TTC28: variants seen among roughly 807,000 people sequenced by gnomAD.
TTC28 encodes tetratricopeptide repeat protein 28.
A neutral mutation model predicts 198.0 loss-of-function variants in TTC28; 61 were observed. The observed-to-expected ratio is 0.31, with a 90% CI of 0.25 to 0.38. The LOEUF (loss-of-function observed/expected upper bound fraction) is 0.38, where lower values mean the gene tolerates loss of function less well. TTC28 is among the 10% of genes least tolerant of loss of function. The pLI, the probability that TTC28 is intolerant of heterozygous loss-of-function variation, is 1.00. For missense variants in TTC28, 2,678 were observed against 3,164.0 expected, an observed-to-expected ratio of 0.85 and a Z score of 3.69; for synonymous variants, 1,171 against 1,297.8, an observed-to-expected ratio of 0.90 and a Z score of 2.10.
At chr22:28,571,872 C>T (rs950700897) in intron 2 of TTC28, among the ~76,000 whole-genome samples, 3 of 150,254 alleles carry the variant, frequency 2.0e-5, no homozygotes, top group Admixed American at 6.7e-5. Flanking sequence ...AGCTTGAACC[C>T]GGGAGGCAGA....
chr22:28,517,582 C>A (rs1031118843), intron 2 of TTC28, among the ~76,000 whole-genome samples: 7 of 152,164 alleles, frequency 4.6e-5, no homozygotes, highest in Non-Finnish European at 8.8e-5. Flanking sequence ...CAGCGAACTT[C>A]CAATTAATTC....
intron 13 of TTC28, among the ~76,000 whole-genome samples, chr22:28,026,367 A>C (rs565540069): frequency 1.3e-5 from 2 of 152,120 alleles, no homozygotes; most frequent in Admixed American, 1.3e-4. Context: ...TGCTGGGCCC[A>C]TGTGACCCAC....
chr22:28,656,908 T>TA (rs1569086787), intron 1 of TTC28, among the ~76,000 whole-genome samples: 1 of 151,566 alleles, frequency 6.6e-6, no homozygotes, highest in East Asian at 1.9e-4. Flanking sequence ...AAGTATAATT[T>TA]AAAAAAATAC....
rs531326362 is a variant in TTC28 at position 28,211,117 on chromosome 22, G to C, written c.934-47518C>G. On this transcript the variant is annotated intron_variant, in intron 5 of 22. Transcript: ENST00000397906. ...TGTCACCACCAGGCCTGCCCTAAAAGAGCTCCTGAAGGAAGCACTAAACAT... is the reference window on the plus strand; with the variant it reads ...TGTCACCACCAGGCCTGCCCTAAAACAGCTCCTGAAGGAAGCACTAAACAT... Among the ~76,000 whole-genome samples the C allele has an allele frequency of 6.0e-4, 91 of 152,130 alleles. No homozygotes were observed. In the Middle Eastern group the frequency reaches 0.014, roughly 23 times the overall value.
At chr22:27,996,778 G>A (rs1937560933) in intron 16 of TTC28, among the ~76,000 whole-genome samples, 1 of 152,184 alleles carries the variant, frequency 6.6e-6, no homozygotes, top group Non-Finnish European at 1.5e-5. Flanking sequence ...AGGGCCTGGG[G>A]GAGCAGGTTC....
intron 12 of TTC28, among the ~76,000 whole-genome samples, chr22:28,062,536 C>T (rs1209630641): frequency 1.3e-5 from 2 of 150,020 alleles, no homozygotes; most frequent in Non-Finnish European, 1.5e-5. Flanking sequence ...GTGATGCCAT[C>T]GTAGCTCACT....
At chr22:28,111,805 G>A (rs1942488728) in intron 6 of TTC28, among the ~76,000 whole-genome samples, 1 of 152,086 alleles carries the variant, frequency 6.6e-6, no homozygotes, top group South Asian at 2.1e-4. Flanking sequence ...GCTAAGATGG[G>A]GGTAAGAGGA....
At chr22:28,162,941 C>G in intron 6 of TTC28, 151 bp downstream of exon 6, 1 of 1,142,490 alleles carries the variant, frequency 8.8e-7, no homozygotes, top group Non-Finnish European at 1.2e-6. Flanking sequence ...AAGACCCTGT[C>G]TCAAAAAGAA....
At chr22:28,523,744 G>A (rs1464207769) in intron 2 of TTC28, among the ~76,000 whole-genome samples, 1 of 152,086 alleles carries the variant, frequency 6.6e-6, no homozygotes, top group African/African-American at 2.4e-5. Context: ...CCTGACTCCA[G>A]AATCTAAATA....
At chr22:28,436,145 C>T (rs567973025) in intron 2 of TTC28, among the ~76,000 whole-genome samples, 1 of 152,138 alleles carries the variant, frequency 6.6e-6, no homozygotes, top group African/African-American at 2.4e-5. Context: ...GAATAAGTCA[C>T]CCTCACTTAT....
At chr22:28,404,056 A>G (rs538695684) in intron 2 of TTC28, among the ~76,000 whole-genome samples, 1 of 152,318 alleles carries the variant, frequency 6.6e-6, no homozygotes, top group South Asian at 2.1e-4. Context: ...ACACATAGCT[A>G]CTAACAAAAA....
intron 2 of TTC28, among the ~76,000 whole-genome samples, chr22:28,552,106 C>A (rs1280549523): frequency 6.6e-6 from 1 of 152,068 alleles, no homozygotes; most frequent in Non-Finnish European, 1.5e-5. Flanking sequence ...AGAATCAAAT[C>A]AAAAACTCAA....
chr22:28,119,973 T>C (rs1407064791), intron 6 of TTC28, among the ~76,000 whole-genome samples: 1 of 152,226 alleles, frequency 6.6e-6, no homozygotes, highest in African/African-American at 2.4e-5. Context: ...AATTTATCTG[T>C]AAAATGTAAT....
chr22:28,445,250 G>C (rs1458165612), intron 2 of TTC28, among the ~76,000 whole-genome samples: 1 of 152,148 alleles, frequency 6.6e-6, no homozygotes, highest in Non-Finnish European at 1.5e-5. Flanking sequence ...ACATAGGATA[G>C]AAAGGTATAA....
At chr22:28,459,722 C>T (rs1229899536) in intron 2 of TTC28, 1 of 152,102 alleles carries the variant, frequency 6.6e-6, no homozygotes, top group Non-Finnish European at 1.5e-5. Flanking sequence ...TTTTTTTATT[C>T]CTTGTCTCTG....
intron 2 of TTC28, among the ~76,000 whole-genome samples, chr22:28,506,159 C>A (rs983654680): frequency 6.6e-6 from 1 of 152,162 alleles, no homozygotes; most frequent in Non-Finnish European, 1.5e-5. Flanking sequence ...TGGGACAGAG[C>A]TCCTGTGGGG....
chr22:27,986,704 A>C (rs1160937706), intron 21 of TTC28, among the ~76,000 whole-genome samples: 2 of 152,210 alleles, frequency 1.3e-5, no homozygotes, highest in Non-Finnish European at 2.9e-5. Context: ...CCAAAGGAGA[A>C]ACCCCTCCGT....
At chr22:28,429,494 C>A (rs1172824976) in intron 2 of TTC28, among the ~76,000 whole-genome samples, 2 of 152,134 alleles carry the variant, frequency 1.3e-5, no homozygotes, top group Non-Finnish European at 2.9e-5. Context: ...TGAAAAAAAA[C>A]TCAGAAATTT....
intron 12 of TTC28, among the ~76,000 whole-genome samples, chr22:28,061,857 ATATTCTTCCATTTGTTT>A (rs1940555411): frequency 6.6e-6 from 1 of 152,138 alleles, no homozygotes. Context: ...TGAGCATGGA[ATATTCTTCCATTTGTTT>A]GTGTCCTCTT....
Sources: allele counts gnomAD v4.1 joint callset (sites outside exome capture counted in the v4.1 genomes callset), GRCh38; gene constraint gnomAD v4.1.1; transcripts MANE v1.5; gene names NCBI Gene and HGNC (gene_info 2026-07-23, HGNC 2026-07-21).